MYO15B: variants seen among roughly 807,000 people sequenced by gnomAD.
MYO15B encodes myosin XVB, also known as myosin XVB pseudogene.
A neutral mutation model predicts 119.3 loss-of-function variants in MYO15B; 207 were observed. The observed-to-expected ratio is 1.73, with a 90% CI of 1.55 to 1.95. The LOEUF (loss-of-function observed/expected upper bound fraction) is 1.95. Ranked by LOEUF, MYO15B falls within the 30% of genes most tolerant of loss-of-function variation. MYO15B has a pLI of 0.00. For synonymous variants in MYO15B, 966 were observed against 498.9 expected, an observed-to-expected ratio of 1.94 and a Z score of -12.48; for missense variants, 2,264 against 1,203.1, an observed-to-expected ratio of 1.88 and a Z score of -13.04.
chr17:75,625,894 C>G, exon 62 of MYO15B: 1 of 702,966 alleles, frequency 1.4e-6, no homozygotes, highest in Non-Finnish European at 2.6e-6. Flanking sequence ...TGGGGTGCTG[C>G]GAGTGAGCAT....
chr17:75,611,937 T>C, exon 25 of MYO15B: 1 of 702,848 alleles, frequency 1.4e-6, no homozygotes, highest in African/African-American at 1.7e-5. Flanking sequence ...CCGCCTGAGG[T>C]TCCTGCCCGG....
chr17:75,618,434 C>G (rs2058507971), intron 43 of MYO15B, among the ~76,000 whole-genome samples: 1 of 152,190 alleles, frequency 6.6e-6, no homozygotes, highest in Non-Finnish European at 1.5e-5. Flanking sequence ...GCAGGTGGAT[C>G]ATGAGGTCAG....
exon 1 of MYO15B, chr17:75,588,380 G>A (rs1364871484): frequency 2.5e-6 from 1 of 398,638 alleles, no homozygotes; most frequent in Non-Finnish European, 4.4e-6. Flanking sequence ...GGCCGCGGGG[G>A]GCGCCTGGAG....
intron 62 of MYO15B, 25 bp from the exon 63 acceptor site, chr17:75,626,063 C>T: frequency 1.4e-6 from 1 of 700,390 alleles, no homozygotes; most frequent in Non-Finnish European, 2.6e-6. Context: ...GAGAGGAGAC[C>T]AGCCCTGCTC....
rs774256253 is a variant in MYO15B at position 75,611,870 on chromosome 17, C to T, written c.4505-16C>T. The T allele has an allele frequency of 1.9e-5, 13 of 702,698 alleles. No homozygotes were observed. The highest frequency in any genetic ancestry group is 2.3e-4 in the Middle Eastern group (1 of 4,390). 43.5% of individuals were successfully genotyped at this position (702,698 alleles called of 1,614,324 possible). The stretch of plus-strand genomic sequence containing the variant: ...ACCTGGATGCTCCTGGGCTGCCTCC[C>T]GGTGCTTGTTCCCAGGCCATCGGGA... On this transcript the variant is annotated splice_polypyrimidine_tract_variant and intron_variant, in intron 24 of 63. Coordinates refer to ENST00000645453, the Ensembl canonical transcript of MYO15B.
chr17:75,609,694 TCCTCCCTCCCTCCCTC>T (rs562510794), intron 21 of MYO15B, among the ~76,000 whole-genome samples: 13 of 142,414 alleles, frequency 9.1e-5, no homozygotes, highest in South Asian at 2.2e-4. Context: ...CTTCCTTCCT[TCCTCCCTCCCTCCCTC>T]CCTCCCTCCC....
At chr17:75,616,197 C>T (rs1253548769) in intron 37 of MYO15B, 50 bp downstream of exon 37, 1 of 572,840 alleles carries the variant, frequency 1.7e-6, no homozygotes, top group Non-Finnish European at 3.1e-6. Context: ...GCCAGTGCCC[C>T]TGGCCCGGGC....
chr17:75,619,581 G>T, intron 45 of MYO15B, 100 bp from the exon 46 acceptor site: 1 of 685,550 alleles, frequency 1.5e-6, no homozygotes, highest in Admixed American at 2.0e-5. Context: ...CAGACGCCAG[G>T]GGAAGGACAA....
At chr17:75,607,743 G>A (rs1020004277) in intron 21 of MYO15B, among the ~76,000 whole-genome samples, 1 of 152,224 alleles carries the variant, frequency 6.6e-6, no homozygotes. Flanking sequence ...TTACAGGCGT[G>A]AGCCACTGCA....
At position 75,622,050 on chromosome 17, in the gene MYO15B, TGA is replaced by T. The variant is rs776412079; in HGVS notation, c.8055_8056del (p.Glu2685AspfsTer6). ...ACCAGTCCAAGCCCCGGGGCAAGGA[TGA>T]GATGGATCTGCTCTATGAACTGCTG... On this transcript the variant is annotated frameshift_variant, in exon 53 of 64. Transcript: ENST00000645453. LOFTEE classifies it high-confidence loss of function. The T allele has an allele frequency of 1.0e-5, 7 of 702,782 alleles. No homozygotes were observed. Among genetic ancestry groups the T allele is most frequent in the African/African-American group, 1.7e-5 (1 of 57,252 alleles). The allele number at this position is 702,782 out of a possible 1,614,324, so 43.5% of individuals were successfully genotyped here.
intron 9 of MYO15B, among the ~76,000 whole-genome samples, chr17:75,594,081 C>A (rs1212461670): frequency 4.0e-5 from 5 of 125,392 alleles, no homozygotes; most frequent in African/African-American, 9.4e-5. Context: ...CAGAGTGAGA[C>A]CCTGTCTCAA....
exon 28 of MYO15B, chr17:75,613,320 C>T (rs1198856093): frequency 1.5e-6 from 1 of 671,488 alleles, no homozygotes; most frequent in Non-Finnish European, 2.7e-6. Flanking sequence ...CCCCCAGGGG[C>T]ATGGCAGCGC....
exon 46 of MYO15B, chr17:75,619,707 G>T (rs1433979722): frequency 1.4e-6 from 1 of 702,778 alleles, no homozygotes; most frequent in Non-Finnish European, 2.6e-6. Context: ...ACGTGCAGCT[G>T]TTAGCCGTGT....
In MYO15B at chr17:75,605,994, AG is replaced by A. The variant is rs1165487887; in HGVS notation, c.4267del (p.Ala1423LeufsTer22). 6 of 701,012 alleles carry A rather than the reference AG, an allele frequency of 8.6e-6. No homozygotes were observed. The highest frequency in any genetic ancestry group is 1.6e-5 in the Non-Finnish European group (6 of 383,900). The allele number at this position is 701,012 out of a possible 1,614,324, so 43.4% of individuals were successfully genotyped here. On this transcript the variant is annotated frameshift_variant, in exon 21 of 64. Transcript: ENST00000645453. LOFTEE classifies it high-confidence loss of function. ...CGCCAGCGCGTCCTGCCCCGGATGC[AG>A]GCTCGCATGCGTGGGTTCCAGGCCA...
At chr17:75,611,468 C>CAAAA (rs11410750) in intron 23 of MYO15B, 133 bp from the exon 24 acceptor site, 29 of 472,582 alleles carry the variant, frequency 6.1e-5, no homozygotes, top group Admixed American at 3.5e-4. Flanking sequence ...GACCCTGCCT[C>CAAAA]AAAAAAAAAA....
rs1598931639 is a variant in MYO15B at position 75,623,266 on chromosome 17, A to C, written c.8083-515A>C. The stretch of plus-strand genomic sequence containing the variant: ...TAGAACCCAGGAGGGTGGAGGTTGC[A>C]GTGAGCCAAGATGGCACCACTGCAC... On this transcript the variant is annotated intron_variant, in intron 53 of 63. Coordinates refer to ENST00000645453, the Ensembl canonical transcript of MYO15B. Among the ~76,000 whole-genome samples the C allele has an allele frequency of 2.0e-5, 3 of 152,054 alleles. No individual in the cohort carries two copies. In the South Asian group the frequency reaches 6.2e-4, roughly 31 times the overall value.
chr17:75,590,325 T>C (rs558139065), intron 1 of MYO15B, 82 bp downstream of exon 1: 1 of 398,854 alleles, frequency 2.5e-6, no homozygotes, highest in African/African-American at 2.1e-5. Context: ...ATGAATTGCG[T>C]GTAGACCCTT....
exon 46 of MYO15B, chr17:75,619,724 G>A (rs766540798): frequency 6.4e-5 from 45 of 702,860 alleles, no homozygotes; most frequent in African/African-American, 4.0e-4. Flanking sequence ...GTGTCCCACC[G>A]TGGGCTGCGA....
chr17:75,594,108 A>AG (rs1208643190), intron 9 of MYO15B, among the ~76,000 whole-genome samples: 1 of 148,162 alleles, frequency 6.7e-6, no homozygotes, highest in Admixed American at 6.7e-5. Flanking sequence ...AAAAAAAGAA[A>AG]AAAAAAAATC....
Sources: allele counts gnomAD v4.1 joint callset (sites outside exome capture counted in the v4.1 genomes callset), GRCh38; gene constraint gnomAD v4.1.1; transcripts MANE v1.5; gene names NCBI Gene and HGNC (gene_info 2026-07-23, HGNC 2026-07-21).